The following CMTM7 variants were observed in gnomAD, a reference collection of about 807,000 sequenced individuals.
The protein encoded by CMTM7 is CKLF-like MARVEL transmembrane domain-containing protein 7.
In CMTM7, 7 loss-of-function variants were observed where a neutral mutation model predicts 19.3. That is an observed-to-expected ratio of 0.36 (90% CI 0.21 to 0.68). CMTM7 has a LOEUF of 0.68. Ranked by LOEUF, CMTM7 falls within the 30% of genes least tolerant of loss-of-function variation. CMTM7 has a pLI of 0.60. For missense variants in CMTM7, 193 were observed against 232.6 expected (o/e 0.83, Z 1.11); for synonymous variants, 87 against 99.3 (o/e 0.88, Z 0.74).
chr3:32,433,562 G>C (rs141073827), intron 1 of CMTM7, among the ~76,000 whole-genome samples: 1 of 152,146 alleles, frequency 6.6e-6, no homozygotes, highest in African/African-American at 2.4e-5. Flanking sequence ...ATGTTCTGAG[G>C]GCAGCCTCCA....
At chr3:32,432,203 C>T (rs1464030254) in intron 1 of CMTM7, among the ~76,000 whole-genome samples, 1 of 152,210 alleles carries the variant, frequency 6.6e-6, no homozygotes, top group Non-Finnish European at 1.5e-5. Context: ...TGCCACCTGG[C>T]CACAGTTGTG....
At chr3:32,420,299 G>A (rs531433312) in intron 1 of CMTM7, among the ~76,000 whole-genome samples, 12 of 152,328 alleles carry the variant, frequency 7.9e-5, no homozygotes, top group African/African-American at 2.9e-4. Context: ...GGCCTTCTTT[G>A]TCTTTCCACC....
At chr3:32,401,064 GATAGTA>G (rs2125619750) in intron 1 of CMTM7, among the ~76,000 whole-genome samples, 1 of 152,296 alleles carries the variant, frequency 6.6e-6, no homozygotes, top group South Asian at 2.1e-4. Flanking sequence ...AGCCAAGTGT[GATAGTA>G]ATAGTATTTA....
chr3:32,427,540 T>A (rs1696451621), intron 1 of CMTM7, among the ~76,000 whole-genome samples: 1 of 152,200 alleles, frequency 6.6e-6, no homozygotes, highest in South Asian at 2.1e-4. Flanking sequence ...GAGGGCTATA[T>A]AGATTTAGAT....
chr3:32,441,681 C>T (rs1696677621), intron 1 of CMTM7, among the ~76,000 whole-genome samples, 159 bp from the exon 2 acceptor site: 1 of 152,200 alleles, frequency 6.6e-6, no homozygotes, highest in African/African-American at 2.4e-5. Context: ...TTGCAGTCTT[C>T]CAACCTTCCA....
At chr3:32,447,707 T>G (rs1696772289) in intron 2 of CMTM7, among the ~76,000 whole-genome samples, 1 of 152,200 alleles carries the variant, frequency 6.6e-6, no homozygotes, top group African/African-American at 2.4e-5. Context: ...TAACTTTTTT[T>G]TGTGTTCGAT....
chr3:32,430,554 T>G (rs1331873212), intron 1 of CMTM7, among the ~76,000 whole-genome samples: 1 of 152,170 alleles, frequency 6.6e-6, no homozygotes, highest in African/African-American at 2.4e-5. Flanking sequence ...CTCTGCTGTG[T>G]GCACTTAAGG....
In CMTM7 at chr3:32,453,807, ATG is replaced by A. The variant is rs1696869905; in HGVS notation, c.515-431_515-430del. ...ACTTTAGATGGGAGAATTGTATGGTATGTGAATTATTAAAATATCCCAGTAAA... is the reference window on the plus strand; with the variant it reads ...ACTTTAGATGGGAGAATTGTATGGTATGAATTATTAAAATATCCCAGTAAA... On this transcript the variant is annotated intron_variant, in intron 4 of 4. Transcript: ENST00000334983. 5.9e-5 allele frequency among the ~76,000 whole-genome samples: 9 copies of A among 152,332 alleles called. No homozygotes were observed. The South Asian group carries it at 1.4e-3, about 25-fold the overall frequency.
chr3:32,413,864 G>A (rs615292), intron 1 of CMTM7, among the ~76,000 whole-genome samples: 10 of 151,822 alleles, frequency 6.6e-5, no homozygotes, highest in Admixed American at 2.6e-4. Context: ...GCATTCATCC[G>A]CCGCAGGTTC....
intron 1 of CMTM7, among the ~76,000 whole-genome samples, chr3:32,426,657 A>G (rs1696437907): frequency 6.6e-6 from 1 of 152,176 alleles, no homozygotes; most frequent in Non-Finnish European, 1.5e-5. Flanking sequence ...TCATAAGGCT[A>G]AACTATAATT....
At chr3:32,402,052 C>T (rs569972329) in intron 1 of CMTM7, among the ~76,000 whole-genome samples, 2 of 152,288 alleles carry the variant, frequency 1.3e-5, no homozygotes, top group South Asian at 4.1e-4. Flanking sequence ...CTGCTGAGCC[C>T]GCTCTCTTTA....
chr3:32,399,421 G>T (rs1030240766), intron 1 of CMTM7, among the ~76,000 whole-genome samples: 1 of 152,172 alleles, frequency 6.6e-6, no homozygotes, highest in African/African-American at 2.4e-5. Context: ...AAATAAGATT[G>T]AAGGAGCCTT....
chr3:32,454,191 G>C lies in CMTM7; in HGVS notation c.515-50G>C, dbSNP rs1696876333. On this transcript the variant is annotated intron_variant, in intron 4 of 4. Transcript: ENST00000334983. ...TCAAACCTGTGGAGTGTGGCTTGTG[G>C]GTGGGCCACATCCCTGGCAAGCTGT... The C allele has an allele frequency of 3.9e-6, 6 of 1,557,250 alleles. No homozygotes were observed. In the East Asian group the frequency reaches 6.8e-5, roughly 18 times the overall value.
At chr3:32,400,399 C>CTTTTTTTTTT (rs11425160) in intron 1 of CMTM7, among the ~76,000 whole-genome samples, 1 of 116,572 alleles carries the variant, frequency 8.6e-6, no homozygotes, top group Admixed American at 1.1e-4. Context: ...TCTTCTTCTT[C>CTTTTTTTTTT]TTTTTTTTTT....
At chr3:32,425,586 A>G (rs1696419298) in intron 1 of CMTM7, among the ~76,000 whole-genome samples, 1 of 152,236 alleles carries the variant, frequency 6.6e-6, no homozygotes, top group South Asian at 2.1e-4. Flanking sequence ...CTAAGCTCCC[A>G]CCAACCTTAA....
chr3:32,397,203 A>G (rs1473601637), intron 1 of CMTM7, among the ~76,000 whole-genome samples: 1 of 152,210 alleles, frequency 6.6e-6, no homozygotes, highest in African/African-American at 2.4e-5. Flanking sequence ...CCCATTGCAA[A>G]TACAATGCTT....
Position 32,404,142 on chromosome 3 carries a change from C to CTTTTTTTTCTTTTTTTTTTTTTT in CMTM7, c.159+12085_159+12086insCTTTTTTTTTTTTTTTTTTTTTT, listed in dbSNP as rs1559401304. On this transcript the variant is annotated intron_variant, in intron 1 of 4. Transcript: ENST00000334983. ...CCTTTGTTTAATCTTTTCTTTCTTT[C>CTTTTTTTTCTTTTTTTTTTTTTT]TTTTTTTTTCTTTTTTTTTCTTTTT... 3.8e-4 allele frequency among the ~76,000 whole-genome samples: 42 copies of CTTTTTTTTCTTTTTTTTTTTTTT among 109,228 alleles called. 1 individual carries two copies. The highest frequency in any genetic ancestry group is 1.5e-3 in the African/African-American group (35 of 23,550). The allele number at this position is 109,228 out of a possible 152,430, so 71.7% of individuals were successfully genotyped here.
intron 2 of CMTM7, among the ~76,000 whole-genome samples, chr3:32,444,736 G>T (rs1696729806): frequency 6.6e-6 from 1 of 152,070 alleles, no homozygotes; most frequent in Admixed American, 6.6e-5. Context: ...GTAGTTTTCA[G>T]AGTAAAAGTG....
Position 32,392,300 on chromosome 3 carries a change from C to T in CMTM7, c.159+235C>T, listed in dbSNP as rs1695848916. Among the ~76,000 whole-genome samples, 6 of 152,340 alleles carry T rather than the reference C, an allele frequency of 3.9e-5. No homozygotes were observed. The South Asian group carries it at 8.3e-4, about 21-fold the overall frequency. On this transcript the variant is annotated intron_variant, in intron 1 of 4. Coordinates refer to ENST00000334983, the MANE Select transcript of CMTM7 (RefSeq NM_138410.4). ...CGCCCCGGCCCTTGCTCCCGCGGACCCAGGTCGCCAGGGTCGCAAGTTTCT... is the reference window on the plus strand; with the variant it reads ...CGCCCCGGCCCTTGCTCCCGCGGACTCAGGTCGCCAGGGTCGCAAGTTTCT...
Sources: allele counts gnomAD v4.1 joint callset (sites outside exome capture counted in the v4.1 genomes callset), GRCh38; gene constraint gnomAD v4.1.1; transcripts MANE v1.5; gene names NCBI Gene and HGNC (gene_info 2026-07-23, HGNC 2026-07-21).